The following NDRG4 variants were observed in gnomAD, a reference collection of about 807,000 sequenced individuals.
NDRG4 encodes protein NDRG4.
A neutral mutation model predicts 55.8 loss-of-function variants in NDRG4; 38 were observed. The ratio of observed to expected loss-of-function variants is 0.68; its 90% confidence interval spans 0.53 to 0.89. The LOEUF (loss-of-function observed/expected upper bound fraction) is 0.89. NDRG4 is among the 40% of genes least tolerant of loss of function. The pLI is 0.00. For missense variants in NDRG4, 455 were observed against 468.6 expected (o/e 0.97, Z 0.27); for synonymous variants, 190 against 182.7 (o/e 1.04, Z -0.32).
rs2031287478 is a variant in NDRG4, at chr16:58,464,992, A to G, written c.-24+1195A>G. ...CCTCAGCCTTGGGGCTCCTCTGGAGAAGTGATCAGTTGCCCTGCTGGAAAC... is the reference window on the plus strand; with the variant it reads ...CCTCAGCCTTGGGGCTCCTCTGGAGGAGTGATCAGTTGCCCTGCTGGAAAC... On this transcript the variant is annotated intron_variant, in intron 1 of 15. Coordinates refer to the NDRG4 transcript ENST00000258187. This position sits in a 1 kb window ranked among gnomAD's most constrained non-coding sequence, Gnocchi z 4.8. 37 of 1,225,588 alleles carry G rather than the reference A, an allele frequency of 3.0e-5. No individual in the cohort carries two copies. Among genetic ancestry groups the G allele is most frequent in the Non-Finnish European group, 3.8e-5 (36 of 956,232 alleles). 75.9% of individuals were successfully genotyped at this position (1,225,588 alleles called of 1,614,324 possible).
At chr16:58,508,396 C>T (rs577320246) in intron 10 of NDRG4, among the ~76,000 whole-genome samples, 92 of 152,326 alleles carry the variant, frequency 6.0e-4, no homozygotes, top group African/African-American at 2.1e-3. Flanking sequence ...TCACCTGCAG[C>T]GGTTATGTTT....
intron 1 of NDRG4, among the ~76,000 whole-genome samples, chr16:58,486,812 T>G (rs2035146779): frequency 6.6e-6 from 1 of 151,710 alleles, no homozygotes; most frequent in South Asian, 2.1e-4. Flanking sequence ...TCCCAGCAAT[T>G]AGGGCCCGGG....
chr16:58,491,023 TC>T (rs2035723494), intron 2 of NDRG4, among the ~76,000 whole-genome samples: 1 of 151,526 alleles, frequency 6.6e-6, no homozygotes, highest in Non-Finnish European at 1.5e-5. Flanking sequence ...ACACCTATAA[TC>T]CCAGCACTTT....
intron 1 of NDRG4, chr16:58,487,698 C>T (rs915886831): frequency 1.5e-6 from 2 of 1,375,316 alleles, no homozygotes; most frequent in East Asian, 2.6e-5. Flanking sequence ...CTTGCGCTGT[C>T]CTTCTCCGCC....
chr16:58,508,580 G>A (rs990743091), intron 10 of NDRG4, among the ~76,000 whole-genome samples: 1 of 152,168 alleles, frequency 6.6e-6, no homozygotes, highest in African/African-American at 2.4e-5. Flanking sequence ...TCCTGGAAGA[G>A]CAGGGTGGTG....
chr16:58,513,287 CAAAGT>C lies in NDRG4; in HGVS notation c.*1716_*1720del, dbSNP rs1038865777. On this transcript the variant is annotated 3_prime_UTR_variant, in exon 15 of 15. Transcript: ENST00000570248. ...AATGTTTATTATTTTCTTCTCCGCA[CAAAGT>C]AAAGAGCCTAATTTTGTGTATTCTG... 1.1e-4 allele frequency: 17 copies of C among 152,052 alleles called. No individual in the cohort carries two copies. Among genetic ancestry groups the C allele is most frequent in the African/African-American group, 2.4e-4 (10 of 41,334 alleles). The allele number at this position is 152,052 out of a possible 1,614,324, so 9.4% of individuals were successfully genotyped here.
intron 1 of NDRG4, among the ~76,000 whole-genome samples, chr16:58,479,773 C>T (rs2151625776): frequency 6.6e-6 from 1 of 152,286 alleles, no homozygotes; most frequent in African/African-American, 2.4e-5. Context: ...TTCTTGTCCC[C>T]TAGGAGTGTC....
intron 1 of NDRG4, chr16:58,501,975 C>T (rs1397587509): frequency 4.4e-6 from 2 of 455,882 alleles, no homozygotes; most frequent in Non-Finnish European, 8.8e-6. Context: ...TTTTGCAGCC[C>T]CACCCTCCAG....
At chr16:58,501,867 G>A (rs2037175999) in intron 1 of NDRG4, 1 of 416,260 alleles carries the variant, frequency 2.4e-6, no homozygotes, top group South Asian at 1.6e-5. Context: ...GGACCCGCAC[G>A]CTGCGGGTCT....
At position 58,464,581 on chromosome 16, in the gene NDRG4, C is replaced by CA; in HGVS notation, c.-24+786dup. 9.7e-7 allele frequency: 1 copy of CA among 1,029,312 alleles called. No homozygotes were observed. Among genetic ancestry groups the CA allele is most frequent in the Non-Finnish European group, 1.3e-6 (1 of 786,300 alleles). The allele number at this position is 1,029,312 out of a possible 1,614,324, so 63.8% of individuals were successfully genotyped here. On this transcript the variant is annotated intron_variant, in intron 1 of 15. Coordinates refer to the NDRG4 transcript ENST00000258187. The surrounding 1 kb of genome is among the most constrained non-coding windows in gnomAD (Gnocchi z 4.8). ...TCTGAGCAGGAAGGGGTGCGGACCC[C>CA]AACTAAGTCCTAGTTTTGTGCTACC...
Position 58,511,718 on chromosome 16 carries a change from G to A in NDRG4, c.*142G>A, listed in dbSNP as rs575936822. On this transcript the variant is annotated 3_prime_UTR_variant, in exon 15 of 15. Transcript: ENST00000570248. ...TGAAAAAAATGAGGGGATCTTAGAT[G>A]CTGCAGCAGAACAGTCTCCAGGTGT... 3.3e-5 allele frequency: 32 copies of A among 981,064 alleles called. No homozygotes were observed. Among genetic ancestry groups the A allele is most frequent in the Non-Finnish European group, 4.9e-5 (31 of 630,628 alleles). 60.8% of individuals were successfully genotyped at this position (981,064 alleles called of 1,614,324 possible). A position where few individuals can be genotyped will look rare whatever the true frequency, so the allele number is the denominator to read the frequency against.
intron 1 of NDRG4, chr16:58,500,488 T>C (rs1174783304): frequency 1.0e-5 from 3 of 301,476 alleles, no homozygotes; most frequent in Non-Finnish European, 1.8e-5. Flanking sequence ...TCAGAGCCCA[T>C]AGCAGGGGCT....
intron 1 of NDRG4, among the ~76,000 whole-genome samples, chr16:58,477,201 G>A (rs1017620269): frequency 1.3e-5 from 2 of 151,066 alleles, no homozygotes; most frequent in South Asian, 2.1e-4. Flanking sequence ...TTAGTGTCTT[G>A]CATACATTTC....
intron 1 of NDRG4, among the ~76,000 whole-genome samples, chr16:58,467,323 G>A (rs974105580): frequency 5.3e-5 from 8 of 152,112 alleles, no homozygotes; most frequent in East Asian, 1.9e-4. Context: ...CCTGGCCAAC[G>A]TGGTGAAACC....
Position 58,506,542 on chromosome 16 carries a change from G to T in NDRG4, c.460-16G>T. 1 of 1,599,282 alleles carries T rather than the reference G, an allele frequency of 6.3e-7. No homozygotes were observed. The highest frequency in any genetic ancestry group is 8.5e-7 in the Non-Finnish European group (1 of 1,174,200). ...GGTGAGGGGCGGCACTCACGCTGGC[G>T]CCCTGCTCCCTGCAGCTCTCCGGCC... On this transcript the variant is annotated splice_polypyrimidine_tract_variant and intron_variant, in intron 6 of 14. Coordinates refer to ENST00000570248, the MANE Select transcript of NDRG4 (RefSeq NM_001242835.2).
At chr16:58,486,589 C>T (rs2035107140) in intron 1 of NDRG4, among the ~76,000 whole-genome samples, 1 of 151,944 alleles carries the variant, frequency 6.6e-6, no homozygotes, top group African/African-American at 2.4e-5. Flanking sequence ...TAGTTTTTCT[C>T]TTGGTGCATT....
intron 10 of NDRG4, among the ~76,000 whole-genome samples, chr16:58,508,755 C>T (rs1396707522): frequency 1.3e-5 from 2 of 152,192 alleles, no homozygotes; most frequent in Admixed American, 6.5e-5. Flanking sequence ...GTCCCAGGCC[C>T]TTCAGTGGGG....
chr16:58,494,959 C>G (rs759926287), intron 2 of NDRG4: 1 of 1,613,560 alleles, frequency 6.2e-7, no homozygotes, highest in Non-Finnish European at 8.5e-7. Flanking sequence ...TTTGCCTTCC[C>G]CTAGGAGAGC....
intron 1 of NDRG4, among the ~76,000 whole-genome samples, chr16:58,479,355 C>T (rs1032428389): frequency 6.6e-6 from 1 of 152,144 alleles, no homozygotes; most frequent in African/African-American, 2.4e-5. Context: ...TTTCACCATC[C>T]TCCTGGTGCT....
Sources: gnomAD v4.1 joint callset for allele counts (sites outside exome capture counted in the v4.1 genomes callset) on GRCh38, gnomAD v4.1.1 for gene constraint, Gnocchi (gnomAD v3.1) non-coding constraint, MANE v1.5 for transcripts, NCBI Gene and HGNC (gene_info 2026-07-23, HGNC 2026-07-21) for gene names.